Variants in CALB1 observed in about 807,000 individuals in gnomAD.
CALB1 encodes the protein calbindin 1.
Under a neutral mutation model 46.7 loss-of-function variants are expected in CALB1, and 16 were observed. That is an observed-to-expected ratio of 0.34 (90% CI 0.23 to 0.52). CALB1 has a LOEUF of 0.52. Among genes scored for constraint, CALB1 ranks in the 20% least tolerant of loss-of-function variants. The pLI, the probability that CALB1 is intolerant of heterozygous loss-of-function variation, is 0.95. For synonymous variants in CALB1, 90 were observed against 112.8 expected (o/e 0.80, Z 1.28); for missense variants, 224 against 300.3 (o/e 0.75, Z 1.88).
At chr8:90,076,159 T>C (rs1045594345) in intron 3 of CALB1, among the ~76,000 whole-genome samples, 3 of 152,068 alleles carry the variant, frequency 2.0e-5, no homozygotes, top group Admixed American at 1.3e-4. Flanking sequence ...TCTGCTGAAA[T>C]TATGTTTCGA....
intron 3 of CALB1, among the ~76,000 whole-genome samples, chr8:90,072,852 A>G (rs1202462500): frequency 6.6e-6 from 1 of 152,180 alleles, no homozygotes; most frequent in Non-Finnish European, 1.5e-5. Flanking sequence ...CTGCTCTTTT[A>G]TGAACTCCCA....
intron 3 of CALB1, among the ~76,000 whole-genome samples, chr8:90,070,684 T>A (rs1451785766): frequency 6.6e-6 from 1 of 152,222 alleles, no homozygotes; most frequent in Non-Finnish European, 1.5e-5. Context: ...ATGACCTAGT[T>A]ATAAAACATT....
intron 2 of CALB1, among the ~76,000 whole-genome samples, chr8:90,079,035 G>C (rs953125093): frequency 2.0e-5 from 3 of 152,046 alleles, no homozygotes; most frequent in East Asian, 1.9e-4. Flanking sequence ...CTATAAACTA[G>C]TGATCTGAAC....
In CALB1 at chr8:90,060,720, A is replaced by G; in HGVS notation, c.601-20T>C. The stretch of plus-strand genomic sequence containing the variant: ...GCCGTCCTGGGGGAGGAGAAATAAA[A>G]TAGTATACAACCAACTCCATCTACA... On this transcript the variant is annotated intron_variant, in intron 9 of 10. Transcript: ENST00000265431. The G allele has an allele frequency of 6.4e-7, 1 of 1,563,762 alleles. No homozygotes were observed. Among genetic ancestry groups the G allele is most frequent in the Non-Finnish European group, 8.8e-7 (1 of 1,134,420 alleles).
intron 3 of CALB1, among the ~76,000 whole-genome samples, chr8:90,073,166 G>A (rs141700667): frequency 1.3e-5 from 2 of 152,228 alleles, no homozygotes; most frequent in Non-Finnish European, 2.9e-5. Context: ...TTAGCATCAG[G>A]ATAGGCTGTA....
At chr8:90,078,021 G>A (rs1488019961) in intron 3 of CALB1, among the ~76,000 whole-genome samples, 1 of 152,076 alleles carries the variant, frequency 6.6e-6, no homozygotes, top group African/African-American at 2.4e-5. Context: ...CTGTATGGAA[G>A]TGGGGCTGGG....
chr8:90,072,119 AAG>A (rs201727537), intron 3 of CALB1, among the ~76,000 whole-genome samples: 2,454 of 152,312 alleles, frequency 0.016, 25 homozygotes, highest in Middle Eastern at 0.034. Flanking sequence ...TTGAACAAAA[AAG>A]AATAATTTTT....
intron 3 of CALB1, among the ~76,000 whole-genome samples, chr8:90,070,131 G>C (rs1367490261): frequency 1.3e-5 from 2 of 152,022 alleles, no homozygotes; most frequent in African/African-American, 2.4e-5. Context: ...CAGCAACCCC[G>C]AGCCATTTCT....
intron 6 of CALB1, 80 bp from the exon 7 acceptor site, chr8:90,063,541 G>C: frequency 4.9e-6 from 6 of 1,213,328 alleles, no homozygotes; most frequent in Non-Finnish European, 7.2e-6. Context: ...AAATAAAGCT[G>C]TTTGAGTTAT....
At chr8:90,080,793 T>C (rs1376185975) in intron 2 of CALB1, among the ~76,000 whole-genome samples, 1 of 152,070 alleles carries the variant, frequency 6.6e-6, no homozygotes, top group Non-Finnish European at 1.5e-5. Flanking sequence ...CTGGGATTCT[T>C]TTGAATATGC....
At chr8:90,074,797 G>A (rs1282460918) in intron 3 of CALB1, among the ~76,000 whole-genome samples, 1 of 152,158 alleles carries the variant, frequency 6.6e-6, no homozygotes, top group African/African-American at 2.4e-5. Context: ...AGTAAGAATG[G>A]AGAGGATGGT....
chr8:90,060,827 T>C, intron 9 of CALB1, 127 bp from the exon 10 acceptor site: 2 of 799,324 alleles, frequency 2.5e-6, no homozygotes, highest in South Asian at 1.6e-5. Flanking sequence ...TAATCTGTTA[T>C]GTCAGGCCAC....
intron 6 of CALB1, chr8:90,064,183 G>A (rs1167421690): frequency 2.6e-5 from 4 of 151,628 alleles, no homozygotes; most frequent in Non-Finnish European, 5.9e-5. Context: ...TGTTTTTAAA[G>A]AACAGAATGT....
chr8:90,062,898 G>A, intron 9 of CALB1: 1 of 480,116 alleles, frequency 2.1e-6, no homozygotes, highest in Non-Finnish European at 3.7e-6. Context: ...TATTGCCAGG[G>A]CTGGGGGAAG....
intron 2 of CALB1, among the ~76,000 whole-genome samples, chr8:90,080,709 G>C (rs184712751): frequency 6.6e-6 from 1 of 151,882 alleles, no homozygotes; most frequent in East Asian, 1.9e-4. Context: ...AGCACAATCT[G>C]GTTTAAAATC....
chr8:90,063,671 C>A, intron 6 of CALB1: 1 of 500,832 alleles, frequency 2.0e-6, no homozygotes, highest in Non-Finnish European at 3.5e-6. Context: ...ATAGAATAGT[C>A]AAACAGAGAA....
rs1456655207 is a variant in CALB1 at position 90,059,880 on chromosome 8, T to C, written c.*293A>G. On this transcript the variant is annotated 3_prime_UTR_variant, in exon 11 of 11. Coordinates refer to ENST00000265431, the MANE Select transcript of CALB1 (RefSeq NM_004929.4). Reference sequence around the variant, plus strand: ...TAGAGATTAATCCTGGTGGAATTTTTAGGGAAATCTTGTTCAACTATATTT... The same window carrying C: ...TAGAGATTAATCCTGGTGGAATTTTCAGGGAAATCTTGTTCAACTATATTT... The C allele has an allele frequency of 1.1e-5, 3 of 275,848 alleles. No individual in the cohort carries two copies. Among genetic ancestry groups the C allele is most frequent in the East Asian group, 1.3e-4 (2 of 15,228 alleles). The allele number at this position is 275,848 out of a possible 1,614,324, so 17.1% of individuals were successfully genotyped here.
chr8:90,059,961 T>TAG lies in CALB1; in HGVS notation c.*210_*211dup. ...TTGGGTGTACTGACTGGCCTAAGCATAGACTTTCTTCTTTTCAATCATATG... is the reference window on the plus strand; with the variant it reads ...TTGGGTGTACTGACTGGCCTAAGCATAGAGACTTTCTTCTTTTCAATCATATG... On this transcript the variant is annotated 3_prime_UTR_variant, in exon 11 of 11. Transcript: ENST00000265431. 2.2e-6 allele frequency: 1 copy of TAG among 460,608 alleles called. No homozygotes were observed. The highest frequency in any genetic ancestry group is 3.2e-5 in the East Asian group (1 of 31,682). 28.5% of individuals were successfully genotyped at this position (460,608 alleles called of 1,614,324 possible).
chr8:90,078,646 A>C (rs1299808628), intron 2 of CALB1, among the ~76,000 whole-genome samples, 199 bp from the exon 3 acceptor site: 1 of 152,056 alleles, frequency 6.6e-6, no homozygotes, highest in Non-Finnish European at 1.5e-5. Flanking sequence ...AGTTGTAATC[A>C]TGATTATTTC....
Sources: allele counts gnomAD v4.1 joint callset (sites outside exome capture counted in the v4.1 genomes callset), GRCh38; gene constraint gnomAD v4.1.1; transcripts MANE v1.5; gene names NCBI Gene and HGNC (gene_info 2026-07-23, HGNC 2026-07-21).